The following STAMBP variants were observed in gnomAD, a reference collection of about 807,000 sequenced individuals.
STAMBP encodes STAM binding protein, also known as STAM-binding protein.
STAMBP carries 31 observed loss-of-function variants against 50.7 expected under a neutral mutation model. The observed-to-expected ratio is 0.61, with a 90% CI of 0.46 to 0.83. The LOEUF (loss-of-function observed/expected upper bound fraction) is 0.83, where lower values mean the gene tolerates loss of function less well. STAMBP is among the 40% of genes least tolerant of loss of function. The probability of loss-of-function intolerance (pLI) is 0.00; values close to 1 mark genes in which losing one functional copy is unlikely to be tolerated. For synonymous variants in STAMBP, 211 were observed against 192.4 expected, an observed-to-expected ratio of 1.10 and a Z score of -0.80; for missense variants, 472 against 518.9, an observed-to-expected ratio of 0.91 and a Z score of 0.88.
At chr2:73,867,863 G>A (rs1679020064), downstream of STAMBP, among the ~76,000 whole-genome samples, 2 of 151,972 alleles carry the variant, frequency 1.3e-5, no homozygotes, top group East Asian at 1.9e-4. Context: ...GGTGGCTTAC[G>A]CCTGTAATCC....
chr2:73,829,533 C>G (rs1343588022), intron 1 of STAMBP, 23 bp downstream of exon 1: 1 of 152,188 alleles, frequency 6.6e-6, no homozygotes, highest in East Asian at 1.9e-4. Flanking sequence ...AACAAGCATC[C>G]TCTGTTTCAG....
intron 5 of STAMBP, 43 bp from the exon 6 acceptor site, chr2:73,849,320 C>G (rs759741701): frequency 6.2e-7 from 1 of 1,611,506 alleles, no homozygotes. Flanking sequence ...CTTGAGGAGG[C>G]AGGGCTCAGT....
chr2:73,841,058 A>G (rs1027785810), intron 2 of STAMBP, among the ~76,000 whole-genome samples: 1 of 152,056 alleles, frequency 6.6e-6, no homozygotes, highest in African/African-American at 2.4e-5. Context: ...TATTGCATAT[A>G]TTCATCTTTT....
chr2:73,833,890 G>A (rs1455782499), intron 2 of STAMBP, among the ~76,000 whole-genome samples: 1 of 151,900 alleles, frequency 6.6e-6, no homozygotes, highest in Non-Finnish European at 1.5e-5. Context: ...CAACACAGAG[G>A]TTAGCACCAA....
At chr2:73,859,104 ATCTC>A (rs1413303340) in intron 7 of STAMBP, 146 bp from the exon 8 acceptor site, 330 of 615,096 alleles carry the variant, frequency 5.4e-4, no homozygotes, top group African/African-American at 5.2e-3. Flanking sequence ...TGTGAAGATG[ATCTC>A]TCTTTCTCAA....
chr2:73,869,112 T>C (rs145346758), downstream of STAMBP, among the ~76,000 whole-genome samples: 89 of 152,290 alleles, frequency 5.8e-4, 1 homozygote, highest in Non-Finnish European at 6.3e-4. Context: ...AAGCTAAGTA[T>C]CTACCTAGAA....
chr2:73,830,967 C>T lies in STAMBP; in HGVS notation c.111C>T (p.Phe37=). The change falls in exon 2 of 10, where the codon TTC becomes TTT. Residue 37 remains phenylalanine (F), a synonymous_variant. Transcript: ENST00000394070. ...AAGACATTCCACCCCGTCGGTACTT[C>T]CGCTCTGGAGTTGAGATTATCCGAA... ...VNEDIPPRRY[F]RSGVEIIRMA... 6.2e-7 allele frequency: 1 copy of T among 1,614,190 alleles called. No homozygotes were observed. The highest frequency in any genetic ancestry group is 1.1e-5 in the South Asian group (1 of 91,080).
chr2:73,868,901 A>G (rs1679081178), downstream of STAMBP, among the ~76,000 whole-genome samples: 1 of 152,210 alleles, frequency 6.6e-6, no homozygotes. Flanking sequence ...AAAGAAAGCA[A>G]GAAGCTTCGT....
chr2:73,844,443 T>C (rs1350922465), intron 2 of STAMBP, among the ~76,000 whole-genome samples: 1 of 152,240 alleles, frequency 6.6e-6, no homozygotes, highest in East Asian at 1.9e-4. Context: ...CAAACGGTTC[T>C]CTGAAGACTG....
At chr2:73,832,230 G>A (rs967295856) in intron 2 of STAMBP, among the ~76,000 whole-genome samples, 10 of 151,406 alleles carry the variant, frequency 6.6e-5, no homozygotes, top group Admixed American at 5.9e-4. Context: ...CAGGGCAGGC[G>A]GATCACCTGA....
chr2:73,862,187 T>C lies in STAMBP; in HGVS notation c.1219-16T>C, dbSNP rs1678412826. 1.3e-6 allele frequency: 2 copies of C among 1,592,608 alleles called. No homozygotes were observed. The highest frequency in any genetic ancestry group is 1.4e-5 in the African/African-American group (1 of 73,268). ...AGAATTTTCTAGGACTCCACCTTTC[T>C]TTTTTCCTATTGCAGAGCTGCAGCC... On this transcript the variant is annotated splice_polypyrimidine_tract_variant and intron_variant, in intron 9 of 9. Coordinates refer to ENST00000394070, the MANE Select transcript of STAMBP (RefSeq NM_213622.4).
downstream of STAMBP, among the ~76,000 whole-genome samples, chr2:73,868,805 G>T (rs1165644984): frequency 6.6e-6 from 1 of 151,982 alleles, no homozygotes; most frequent in Non-Finnish European, 1.5e-5. Context: ...GCCCAGGGAG[G>T]TCAAGGCTAT....
In STAMBP at chr2:73,844,882, A is replaced by C; in HGVS notation, c.273A>C (p.Thr91=). The C allele has an allele frequency of 6.2e-7, 1 of 1,613,846 alleles. No individual in the cohort carries two copies. Among genetic ancestry groups the C allele is most frequent in the Non-Finnish European group, 8.5e-7 (1 of 1,179,956 alleles). ...CTGTCATTCCTGAAAAGAAAGACACAGTAAAGGTGGGTCTTCACTTTCATT... is the reference window on the plus strand; with the variant it reads ...CTGTCATTCCTGAAAAGAAAGACACCGTAAAGGTGGGTCTTCACTTTCATT... The part of the protein sequence containing the change: ...KSAVIPEKKD[T]VKKLKEIAFP... Residue 91 remains threonine (T), a synonymous_variant, in exon 3 of 10, where the codon ACA becomes ACC. Coordinates refer to ENST00000394070, the MANE Select transcript of STAMBP (RefSeq NM_213622.4).
At chr2:73,849,217 G>T in intron 5 of STAMBP, 146 bp from the exon 6 acceptor site, 3 of 1,133,642 alleles carry the variant, frequency 2.6e-6, no homozygotes, top group South Asian at 1.5e-5. Context: ...TTTTTTTGGT[G>T]CCATTAGAAT....
intron 2 of STAMBP, among the ~76,000 whole-genome samples, chr2:73,837,987 A>G (rs897220140): frequency 6.6e-6 from 1 of 152,164 alleles, no homozygotes; most frequent in Non-Finnish European, 1.5e-5. Context: ...AAAGGAGAGT[A>G]GCCACCTATG....
chr2:73,839,822 G>A lies in STAMBP; in HGVS notation c.204-4991G>A, dbSNP rs146881343. Among the ~76,000 whole-genome samples, 5 of 152,242 alleles carry A rather than the reference G, an allele frequency of 3.3e-5. No individual in the cohort carries two copies. The East Asian group carries it at 5.8e-4, about 18-fold the overall frequency. On this transcript the variant is annotated intron_variant, in intron 2 of 9. Transcript: ENST00000394070. The stretch of plus-strand genomic sequence containing the variant: ...TAAAGCATCAATGGGATCTTACCAC[G>A]TATTCTGTTCTGCGACTTGCTTTCT...
Position 73,847,722 on chromosome 2 carries a change from G to T in STAMBP, c.711G>T (p.Leu237Phe), listed in dbSNP as rs528923178. ...PAKPPVVDRS[L>F]KPGALSNSES... ...AGCCACCTGTGGTGGACAGGTCCTT[G>T]AAACCTGGAGCACTGAGCAACTCAG... The change falls in exon 5 of 10, where the codon TTG (leucine) becomes TTT (phenylalanine). Residue 237 changes from leucine to phenylalanine, a missense_variant. By Grantham distance (22) the Leu-to-Phe change is conservative. Coordinates refer to ENST00000394070, the MANE Select transcript of STAMBP (RefSeq NM_213622.4). 3.2e-5 allele frequency: 51 copies of T among 1,613,830 alleles called. No homozygotes were observed. Among genetic ancestry groups the T allele is most frequent in the Non-Finnish European group, 4.3e-5 (51 of 1,179,978 alleles).
Position 73,847,412 on chromosome 2 carries a change from GGAA to G in STAMBP, c.402_404del (p.Asn135del). On this transcript the variant is annotated inframe_deletion, in exon 5 of 10. Transcript: ENST00000394070. ...AAGAAGGAAGCAGAGGAATTGGCCC[GGAA>G]CATGGCCATCCAGCAAGAGCTGGAA... 6.2e-7 allele frequency: 1 copy of G among 1,609,388 alleles called. No homozygotes were observed. Among genetic ancestry groups the G allele is most frequent in the Non-Finnish European group, 8.5e-7 (1 of 1,176,984 alleles).
chr2:73,836,606 G>A (rs1266855325), intron 2 of STAMBP, among the ~76,000 whole-genome samples: 1 of 152,228 alleles, frequency 6.6e-6, no homozygotes, highest in African/African-American at 2.4e-5. Context: ...CAGATGACTG[G>A]TGAGAACACT....
Sources: gnomAD v4.1 joint callset for allele counts (sites outside exome capture counted in the v4.1 genomes callset) on GRCh38, gnomAD v4.1.1 for gene constraint, MANE v1.5 for transcripts, NCBI Gene and HGNC (gene_info 2026-07-23, HGNC 2026-07-21) for gene names.